OSBPL5: variants seen among roughly 807,000 people sequenced by gnomAD.
The protein encoded by OSBPL5 is oxysterol-binding protein-related protein 5.
OSBPL5 carries 71 observed loss-of-function variants against 111.2 expected under a neutral mutation model. That is an observed-to-expected ratio of 0.64 (90% confidence interval 0.53 to 0.78). The LOEUF is 0.78. Ranked by LOEUF, OSBPL5 falls within the 30% of genes least tolerant of loss-of-function variation. OSBPL5 has a pLI of 0.00. For synonymous variants in OSBPL5, 549 were observed against 513.9 expected (o/e 1.07, Z -0.93); for missense variants, 1,210 against 1,189.3 (o/e 1.02, Z -0.26).
chr11:3,133,115 C>T (rs559505454), intron 1 of OSBPL5, among the ~76,000 whole-genome samples: 1 of 152,352 alleles, frequency 6.6e-6, no homozygotes, highest in South Asian at 2.1e-4. Flanking sequence ...GTGAGGTTCC[C>T]ATCCCCCGGC....
chr11:3,088,213 G>A lies in OSBPL5; in HGVS notation c.2632C>T (p.Leu878Phe). The change falls in exon 22 of 22, where the codon CTC (leucine) becomes TTC (phenylalanine). Residue 878 changes from leucine (L) to phenylalanine (F), a missense_variant. Transcript: ENST00000263650. ...CTCTGCCCTCAGGGCTCCTATTTGA[G>A]GATGTGGTTAATGAACAGCTGACAC... ...LACQLFINHI[L>F]K 1 of 1,592,696 alleles carries A rather than the reference G, an allele frequency of 6.3e-7. No homozygotes were observed. Among genetic ancestry groups the A allele is most frequent in the Non-Finnish European group, 8.6e-7 (1 of 1,168,474 alleles).
At chr11:3,116,447 T>A (rs2100089) in intron 7 of OSBPL5, among the ~76,000 whole-genome samples, 37,920 of 152,022 alleles carry the variant, frequency 0.25, 5,329 homozygotes, top group African/African-American at 0.38. Flanking sequence ...TTCTGATAAC[T>A]TTAGAGACTG....
chr11:3,133,755 G>A lies in OSBPL5; in HGVS notation c.-21-4586C>T, dbSNP rs1845874526. On this transcript the variant is annotated intron_variant, in intron 1 of 21. Coordinates refer to ENST00000263650, the MANE Select transcript of OSBPL5 (RefSeq NM_020896.4). ...CAGTCCTGAAGTCCAAGTGCAGGAGGGGACGCTGTGGGGCTTGGGAGGAAG... is the reference window on the plus strand; with the variant it reads ...CAGTCCTGAAGTCCAAGTGCAGGAGAGGACGCTGTGGGGCTTGGGAGGAAG... Among the ~76,000 whole-genome samples the A allele has an allele frequency of 2.6e-5, 4 of 152,248 alleles. No individual in the cohort carries two copies. In the South Asian group the frequency reaches 6.2e-4, roughly 24 times the overall value.
rs190908478 is a variant in OSBPL5 at position 3,153,538 on chromosome 11, G to A, written c.-22+11678C>T. Among the ~76,000 whole-genome samples, 670 of 152,302 alleles carry A rather than the reference G, an allele frequency of 4.4e-3. 2 individuals are homozygous for A. Among genetic ancestry groups the A allele is most frequent in the South Asian group, 0.012 (58 of 4,828 alleles). ...GGCTATTCCTGCTCTGGCAAGCTGC[G>A]GGGGCTGATGACGCCAGCACCGTCG... is the stretch of plus-strand genomic sequence containing the variant. On this transcript the variant is annotated intron_variant, in intron 1 of 21. Transcript: ENST00000263650.
rs895683220 is a variant in OSBPL5, at chr11:3,141,698, G to A, written c.-21-12529C>T. On this transcript the variant is annotated intron_variant, in intron 1 of 21. Coordinates refer to ENST00000263650, the MANE Select transcript of OSBPL5 (RefSeq NM_020896.4). The surrounding 1 kb of genome is among the most constrained non-coding windows in gnomAD (Gnocchi z 6.5). ...AGTTGCGATTCTCATGCATCCCAGTGCTTTGCCGAGGTGCCTACGCCACCC... is the reference window on the plus strand; with the variant it reads ...AGTTGCGATTCTCATGCATCCCAGTACTTTGCCGAGGTGCCTACGCCACCC... 1.0e-3 allele frequency among the ~76,000 whole-genome samples: 157 copies of A among 152,154 alleles called. No homozygotes were observed. Among genetic ancestry groups the A allele is most frequent in the African/African-American group, 3.6e-3 (149 of 41,424 alleles).
rs1846103231 is a variant in OSBPL5 at position 3,141,235 on chromosome 11, A to G, written c.-21-12066T>C. ...GTGTGATGCAGGGAGGGCACAGGAG[A>G]TGCCACCGAGTCGTGATTGCTCCTG... On this transcript the variant is annotated intron_variant, in intron 1 of 21. Coordinates refer to ENST00000263650, the MANE Select transcript of OSBPL5 (RefSeq NM_020896.4). The surrounding 1 kb of genome is among the most constrained non-coding windows in gnomAD (Gnocchi z 6.5). 6.6e-6 allele frequency among the ~76,000 whole-genome samples: 1 copy of G among 151,966 alleles called. No individual in the cohort carries two copies. Among genetic ancestry groups the G allele is most frequent in the Non-Finnish European group, 1.5e-5 (1 of 67,980 alleles).
intron 3 of OSBPL5, among the ~76,000 whole-genome samples, chr11:3,124,486 T>G (rs112470714): frequency 6.6e-6 from 1 of 152,282 alleles, no homozygotes; most frequent in African/African-American, 2.4e-5. Flanking sequence ...CAGGATCTTG[T>G]TCATGATGCC....
intron 10 of OSBPL5, among the ~76,000 whole-genome samples, chr11:3,103,776 C>CCTGTGCCGCCCCCTTCCAGT (rs1857564477): frequency 1.2e-5 from 1 of 82,972 alleles, no homozygotes; most frequent in Non-Finnish European, 2.7e-5. Context: ...CCCCTTCCAG[C>CCTGTGCCGCCCCCTTCCAGT]CTCTGCAGTC....
rs972550926 is a variant in OSBPL5 at position 3,140,634 on chromosome 11, G to A, written c.-21-11465C>T. Among the ~76,000 whole-genome samples, 20 of 152,250 alleles carry A rather than the reference G, an allele frequency of 1.3e-4. 1 individual carries two copies. The highest frequency in any genetic ancestry group is 5.2e-4 in the Admixed American group (8 of 15,292). On this transcript the variant is annotated intron_variant, in intron 1 of 21. Transcript: ENST00000263650. The surrounding 1 kb of genome is among the most constrained non-coding windows in gnomAD (Gnocchi z 4.5). ...GCTGCCCCACCAGTGGACAGGCATC[G>A]TCGTCCCGGCTCCCCTCTGTCCCCC...
At position 3,146,841 on chromosome 11, in the gene OSBPL5, G is replaced by T. The variant is rs1011328464; in HGVS notation, c.-21-17672C>A. On this transcript the variant is annotated intron_variant, in intron 1 of 21. Coordinates refer to ENST00000263650, the MANE Select transcript of OSBPL5 (RefSeq NM_020896.4). The surrounding 1 kb of genome is among the most constrained non-coding windows in gnomAD (Gnocchi z 7.8). ...CCCTGGCAGCCAGATCCCCTTCGCC[G>T]TGGCTGGAGCTGGCGTTTCTATTTA... 6.6e-6 allele frequency among the ~76,000 whole-genome samples: 1 copy of T among 152,130 alleles called. No homozygotes were observed. The highest frequency in any genetic ancestry group is 1.5e-5 in the Non-Finnish European group (1 of 68,014).
chr11:3,101,572 C>A, intron 13 of OSBPL5, 31 bp downstream of exon 13: 1 of 1,581,772 alleles, frequency 6.3e-7, no homozygotes, highest in Non-Finnish European at 8.7e-7. Flanking sequence ...TTCCCTGAGG[C>A]CCCAGGGAGC....
At position 3,142,184 on chromosome 11, in the gene OSBPL5, G is replaced by A. The variant is rs1846143316; in HGVS notation, c.-21-13015C>T. ...TCTGCCCTCCTCGGCGTCCCAAAGT[G>A]CTGGGATTACAGGCGTGAGCCACCG... On this transcript the variant is annotated intron_variant, in intron 1 of 21. Transcript: ENST00000263650. The surrounding 1 kb of genome is among the most constrained non-coding windows in gnomAD (Gnocchi z 7.1). Among the ~76,000 whole-genome samples, 1 of 152,216 alleles carries A rather than the reference G, an allele frequency of 6.6e-6. No individual in the cohort carries two copies. The highest frequency in any genetic ancestry group is 2.4e-5 in the African/African-American group (1 of 41,454).
intron 14 of OSBPL5, among the ~76,000 whole-genome samples, chr11:3,099,208 G>C (rs1857376086): frequency 2.0e-5 from 3 of 152,230 alleles, no homozygotes; most frequent in Admixed American, 2.0e-4. Context: ...CCAGGGCCTG[G>C]AGGGACTGAG....
rs370540978 is a variant in OSBPL5 at position 3,106,028 on chromosome 11, C to T, written c.1059+1235G>A. 5.3e-4 allele frequency among the ~76,000 whole-genome samples: 80 copies of T among 152,256 alleles called. No individual in the cohort carries two copies. Among genetic ancestry groups the T allele is most frequent in the South Asian group, 3.5e-3 (17 of 4,826 alleles). On this transcript the variant is annotated intron_variant, in intron 9 of 21. Coordinates refer to ENST00000263650, the MANE Select transcript of OSBPL5 (RefSeq NM_020896.4). The surrounding 1 kb of genome is among the most constrained non-coding windows in gnomAD (Gnocchi z 8.4). ...GGCTGTCCCGAGGCCCTTGCCTAAC[C>T]CGCCGGTGGCTTCCCCAATACTCTC... is the stretch of plus-strand genomic sequence containing the variant.
chr11:3,148,932 G>A (rs971875593), intron 1 of OSBPL5, among the ~76,000 whole-genome samples: 2 of 152,242 alleles, frequency 1.3e-5, no homozygotes, highest in African/African-American at 4.8e-5. Context: ...ATTCGCAGAG[G>A]AGCTGAGTAG....
Position 3,095,333 on chromosome 11 carries a change from A to G in OSBPL5, c.1622-999T>C, listed in dbSNP as rs80121200. On this transcript the variant is annotated intron_variant, in intron 14 of 21. Transcript: ENST00000263650. The stretch of plus-strand genomic sequence containing the variant: ...CTCAAAAAAAAAAAAAAAAAAGAAA[A>G]GAAAAGAAAGAAAAGCAAAGCAGGT... Among the ~76,000 whole-genome samples, 3 of 151,990 alleles carry G rather than the reference A, an allele frequency of 2.0e-5. No homozygotes were observed. In the South Asian group the frequency reaches 6.2e-4, roughly 31 times the overall value.
At chr11:3,129,291 G>A in intron 1 of OSBPL5, 122 bp from the exon 2 acceptor site, 2 of 962,742 alleles carry the variant, frequency 2.1e-6, no homozygotes, top group Non-Finnish European at 2.8e-6. Flanking sequence ...GGCAGGGTGA[G>A]GAGGGCCTGG....
chr11:3,110,932 T>C lies in OSBPL5; in HGVS notation c.692-2987A>G, dbSNP rs1004731948. On this transcript the variant is annotated intron_variant, in intron 7 of 21. Transcript: ENST00000263650. The surrounding 1 kb of genome is among the most constrained non-coding windows in gnomAD (Gnocchi z 5.3). ...CCTGAGGCTGTGTCACAGGTAGGCG[T>C]CTTCAACCTTGGCAAAATAAACTTT... Among the ~76,000 whole-genome samples the C allele has an allele frequency of 3.3e-5, 5 of 152,166 alleles. No homozygotes were observed. The highest frequency in any genetic ancestry group is 4.8e-5 in the African/African-American group (2 of 41,426).
chr11:3,118,097 G>A (rs1480160853), intron 7 of OSBPL5, among the ~76,000 whole-genome samples: 1 of 152,212 alleles, frequency 6.6e-6, no homozygotes, highest in Non-Finnish European at 1.5e-5. Flanking sequence ...AGATCAGGTG[G>A]AACCTGAGAC....
Sources: allele counts gnomAD v4.1 joint callset (sites outside exome capture counted in the v4.1 genomes callset), GRCh38; gene constraint gnomAD v4.1.1; non-coding constraint Gnocchi (gnomAD v3.1); transcripts MANE v1.5; gene names NCBI Gene and HGNC (gene_info 2026-07-23, HGNC 2026-07-21).